CAST: variants seen among roughly 807,000 people sequenced by gnomAD.
The protein encoded by CAST is calpastatin, also known as MIR583 host.
CAST carries 76 observed loss-of-function variants against 119.6 expected under a neutral mutation model. That is an observed-to-expected ratio of 0.64 (90% CI 0.53 to 0.77). The LOEUF is 0.77. Among genes scored for constraint, CAST ranks in the 30% least tolerant of loss-of-function variants. The pLI is 0.00. For missense variants in CAST, 953 were observed against 946.5 expected, an observed-to-expected ratio of 1.01 and a Z score of -0.09; for synonymous variants, 319 against 331.6, an observed-to-expected ratio of 0.96 and a Z score of 0.41.
At chr5:96,686,713 A>G (rs1342811160) in intron 2 of CAST, among the ~76,000 whole-genome samples, 1 of 152,230 alleles carries the variant, frequency 6.6e-6, no homozygotes, top group Non-Finnish European at 1.5e-5. Flanking sequence ...TTATGTAAAG[A>G]ACAGCAGATA....
chr5:96,452,601 C>T, the CAST span, among the ~76,000 whole-genome samples: 7 of 140,068 alleles, frequency 5.0e-5, no homozygotes, highest in Non-Finnish European at 1.1e-4. Flanking sequence ...GGTTACAAAC[C>T]TGCACATTCT....
the CAST span, among the ~76,000 whole-genome samples, chr5:96,025,644 A>G: frequency 6.6e-6 from 1 of 152,344 alleles, no homozygotes; most frequent in South Asian, 2.1e-4. Flanking sequence ...CATCAGTCCC[A>G]TCACATAAAC....
the CAST span, among the ~76,000 whole-genome samples, chr5:96,365,632 A>G: frequency 3.3e-5 from 5 of 152,148 alleles, no homozygotes; most frequent in African/African-American, 7.2e-5. Flanking sequence ...TTTTATCAGA[A>G]ACTAGGATTG....
At chr5:96,662,628 A>C (rs1748697328) in intron 1 of CAST, 131 bp downstream of exon 1, 1 of 995,326 alleles carries the variant, frequency 1.0e-6, no homozygotes, top group Non-Finnish European at 1.3e-6. Context: ...GGGCAGGGAG[A>C]GGGCTAGGGG....
intron 1 of CAST, among the ~76,000 whole-genome samples, chr5:96,544,428 T>C (rs558225939): frequency 1.2e-4 from 18 of 152,310 alleles, no homozygotes; most frequent in African/African-American, 3.8e-4. Flanking sequence ...AATCACTTTT[T>C]AGTTCTGGAA....
chr5:96,764,104 AT>A (rs1768968939), intron 25 of CAST, among the ~76,000 whole-genome samples: 1 of 152,206 alleles, frequency 6.6e-6, no homozygotes, highest in Non-Finnish European at 1.5e-5. Flanking sequence ...GTCTTATACA[AT>A]GTAGATATTA....
chr5:96,301,375 G>A, the CAST span, among the ~76,000 whole-genome samples: 2 of 151,922 alleles, frequency 1.3e-5, no homozygotes, highest in Non-Finnish European at 2.9e-5. Flanking sequence ...ATATTATCCT[G>A]CCCCTGGCCC....
chr5:96,509,486 A>G, the CAST span, among the ~76,000 whole-genome samples: 1 of 152,172 alleles, frequency 6.6e-6, no homozygotes, highest in Non-Finnish European at 1.5e-5. Flanking sequence ...CCAAAGGGGG[A>G]AAAATCTAAG....
intron 1 of CAST, among the ~76,000 whole-genome samples, chr5:96,598,142 A>G (rs57113470): frequency 6.6e-6 from 1 of 152,208 alleles, no homozygotes; most frequent in East Asian, 1.9e-4. Context: ...CTGCCCATAC[A>G]TAACAAAATG....
At chr5:96,482,663 T>C in the CAST span, among the ~76,000 whole-genome samples, 5 of 152,156 alleles carry the variant, frequency 3.3e-5, no homozygotes, top group Non-Finnish European at 7.4e-5. Context: ...CTGGTGATTG[T>C]CATGTTCCTG....
At chr5:96,164,270 A>C in the CAST span, among the ~76,000 whole-genome samples, 3 of 152,268 alleles carry the variant, frequency 2.0e-5, no homozygotes, top group Non-Finnish European at 2.9e-5. Flanking sequence ...CAAATATGTC[A>C]ATCTCTGTTC....
chr5:96,306,414 C>A, the CAST span, among the ~76,000 whole-genome samples: 1 of 151,802 alleles, frequency 6.6e-6, no homozygotes, highest in African/African-American at 2.4e-5. Flanking sequence ...GCCTCACTGA[C>A]TTTTTTTGAA....
chr5:96,015,492 G>A, the CAST span, among the ~76,000 whole-genome samples: 1 of 151,678 alleles, frequency 6.6e-6, no homozygotes, highest in Admixed American at 6.6e-5. Flanking sequence ...ACTCACTTTT[G>A]GTACAATTTT....
chr5:96,158,410 A>G, the CAST span, among the ~76,000 whole-genome samples: 4 of 152,174 alleles, frequency 2.6e-5, no homozygotes, highest in East Asian at 1.9e-4. Flanking sequence ...CCAGTTTTTA[A>G]TAACTGCATC....
At chr5:96,245,348 T>C in the CAST span, among the ~76,000 whole-genome samples, 4 of 152,322 alleles carry the variant, frequency 2.6e-5, no homozygotes, top group East Asian at 7.7e-4. Context: ...GTAATGGTTG[T>C]GTGGAAACTT....
At chr5:96,293,703 A>G in the CAST span, among the ~76,000 whole-genome samples, 1 of 152,192 alleles carries the variant, frequency 6.6e-6, no homozygotes, top group African/African-American at 2.4e-5. Context: ...TATTGTTTAT[A>G]AAAGCTTAGG....
At chr5:96,654,116 C>T (rs758132791) in intron 1 of CAST, among the ~76,000 whole-genome samples, 12 of 151,624 alleles carry the variant, frequency 7.9e-5, no homozygotes, top group Admixed American at 1.3e-4. Flanking sequence ...CTGCGCCTCC[C>T]GGATTCAAGG....
chr5:96,648,717 C>CGTGTGTGTGTCTGT (rs138871439), intron 1 of CAST, among the ~76,000 whole-genome samples: 49 of 148,912 alleles, frequency 3.3e-4, no homozygotes, highest in Non-Finnish European at 5.8e-4. Flanking sequence ...TATATATATG[C>CGTGTGTGTGTCTGT]GTGTGTGTGT....
chr5:96,114,377 T>C, the CAST span, among the ~76,000 whole-genome samples: 1 of 152,164 alleles, frequency 6.6e-6, no homozygotes. Flanking sequence ...GGGATTTGTA[T>C]GTACATTGAA....
Sources: allele counts gnomAD v4.1 joint callset (sites outside exome capture counted in the v4.1 genomes callset), GRCh38; gene constraint gnomAD v4.1.1; transcripts MANE v1.5; gene names NCBI Gene and HGNC (gene_info 2026-07-23, HGNC 2026-07-21).